ECE1: variants seen among roughly 807,000 people sequenced by gnomAD.
ECE1 encodes endothelin converting enzyme 1, also known as endothelin-converting enzyme 1.
Under a neutral mutation model 98.6 loss-of-function variants are expected in ECE1, and 35 were observed. The observed-to-expected ratio is 0.35, with a 90% CI of 0.27 to 0.47. ECE1 has a LOEUF of 0.47. Ranked by LOEUF, ECE1 falls within the 20% of genes least tolerant of loss-of-function variation. The pLI is 1.00. For synonymous variants in ECE1, 394 were observed against 407.1 expected (o/e 0.97, Z 0.39); for missense variants, 814 against 1,025.3 (o/e 0.79, Z 2.81).
chr1:21,258,980 T>C lies in ECE1; in HGVS notation c.616-141A>G, dbSNP rs1380790443. On this transcript the variant is annotated intron_variant, in intron 5 of 18. Transcript: ENST00000374893. This position sits in a 1 kb window ranked among gnomAD's most constrained non-coding sequence, Gnocchi z 4.2. ...GAGCCTCAAGAGCAAAGGAAAGGAT[T>C]GGTCTTCATCGGGGGTTTCCGACCC... 8.0e-7 allele frequency: 1 copy of C among 1,257,126 alleles called. No homozygotes were observed. The highest frequency in any genetic ancestry group is 1.1e-6 in the Non-Finnish European group (1 of 907,600). 77.9% of individuals were successfully genotyped at this position (1,257,126 alleles called of 1,614,324 possible). A position where few individuals can be genotyped will look rare whatever the true frequency, so the allele number is the denominator to read the frequency against.
intron 2 of ECE1, among the ~76,000 whole-genome samples, chr1:21,281,104 C>T (rs1177252386): frequency 6.6e-6 from 1 of 152,140 alleles, no homozygotes; most frequent in African/African-American, 2.4e-5. Context: ...GCAGGAGAAT[C>T]GCTTGAACCC....
chr1:21,257,394 C>G, intron 7 of ECE1, 131 bp downstream of exon 7: 1 of 991,446 alleles, frequency 1.0e-6, no homozygotes, highest in Non-Finnish European at 1.6e-6. Flanking sequence ...CAGGGTCTGC[C>G]TGTTTCACCC....
At chr1:21,283,276 A>T (rs565559842) in intron 2 of ECE1, among the ~76,000 whole-genome samples, 121 of 118,492 alleles carry the variant, frequency 1.0e-3, no homozygotes, top group African/African-American at 3.3e-3. Context: ...TTTTTTTTAA[A>T]TTTTTTTTTT....
chr1:21,336,925 G>T (rs560761634), intron 1 of ECE1, among the ~76,000 whole-genome samples: 1 of 152,132 alleles, frequency 6.6e-6, no homozygotes, highest in Admixed American at 6.5e-5. Flanking sequence ...CAGCTACTTG[G>T]GAGGCTGAGA....
intron 1 of ECE1, among the ~76,000 whole-genome samples, chr1:21,342,195 G>A (rs1157579040): frequency 6.6e-6 from 1 of 152,160 alleles, no homozygotes; most frequent in African/African-American, 2.4e-5. Flanking sequence ...GCCCCAGCTT[G>A]GAAAGTGAAG....
rs1467076839 is a variant in ECE1, at chr1:21,260,632, G to A, written c.494-240C>T. Reference sequence around the variant, plus strand: ...ACTGCAAAGAAAAAGAATCGACCACGTTTCTCTCCCTCTGCCAGTTGGGTT... The same window carrying A: ...ACTGCAAAGAAAAAGAATCGACCACATTTCTCTCCCTCTGCCAGTTGGGTT... On this transcript the variant is annotated intron_variant, in intron 4 of 18. Transcript: ENST00000374893. The surrounding 1 kb of genome is among the most constrained non-coding windows in gnomAD (Gnocchi z 4.3). Among the ~76,000 whole-genome samples, 1 of 152,158 alleles carries A rather than the reference G, an allele frequency of 6.6e-6. No individual in the cohort carries two copies. The highest frequency in any genetic ancestry group is 6.5e-5 in the Admixed American group (1 of 15,280).
At chr1:21,238,269 C>G in intron 10 of ECE1, 25 bp from the exon 11 acceptor site, 2 of 1,583,706 alleles carry the variant, frequency 1.3e-6, no homozygotes, top group Non-Finnish European at 1.7e-6. Context: ...TCAGGGGGCT[C>G]GCTGGGCCCC....
At chr1:21,323,770 T>C (rs939482719) in intron 1 of ECE1, among the ~76,000 whole-genome samples, 1 of 150,890 alleles carries the variant, frequency 6.6e-6, no homozygotes, top group African/African-American at 2.4e-5. Context: ...AGGGGAGCAA[T>C]GAGGTAGTGA....
intron 1 of ECE1, among the ~76,000 whole-genome samples, chr1:21,331,163 G>A (rs773440997): frequency 1.3e-5 from 2 of 152,186 alleles, no homozygotes; most frequent in Non-Finnish European, 2.9e-5. Context: ...AGCACTTTGG[G>A]AGGCCGAGGC....
intron 14 of ECE1, among the ~76,000 whole-genome samples, chr1:21,232,925 T>C (rs542883842): frequency 1.3e-5 from 2 of 152,002 alleles, no homozygotes; most frequent in East Asian, 3.9e-4. Context: ...GTGATCCACC[T>C]GTCTTGCCCT....
At position 21,340,306 on chromosome 1, in the gene ECE1, G is replaced by C. The variant is rs1639376052; in HGVS notation, c.3+5070C>G. The stretch of plus-strand genomic sequence containing the variant: ...GGAGAAGGGGCTGTCTGGGACCTCT[G>C]TCTGGGGCCACAGCCTCCTTCTGTC... On this transcript the variant is annotated intron_variant, in intron 1 of 18. Coordinates refer to the ECE1 transcript ENST00000415912. The surrounding 1 kb of genome is among the most constrained non-coding windows in gnomAD (Gnocchi z 4.6). 6.6e-6 allele frequency among the ~76,000 whole-genome samples: 1 copy of C among 152,268 alleles called. No individual in the cohort carries two copies. The highest frequency in any genetic ancestry group is 6.5e-5 in the Admixed American group (1 of 15,294).
At chr1:21,265,881 C>A (rs1569571722) in intron 4 of ECE1, among the ~76,000 whole-genome samples, 1 of 152,204 alleles carries the variant, frequency 6.6e-6, no homozygotes, top group African/African-American at 2.4e-5. Flanking sequence ...GACAGCAGCA[C>A]TTCTGCGGCC....
chr1:21,338,294 C>T lies in ECE1; in HGVS notation c.3+7082G>A, dbSNP rs200493923. 3.3e-5 allele frequency among the ~76,000 whole-genome samples: 5 copies of T among 152,210 alleles called. No homozygotes were observed. In the East Asian group the frequency reaches 9.6e-4, roughly 29 times the overall value. ...TGGCTCCAGTTTCCAAGTGACGCAA[C>T]CAAGTGTCTGGATTCAGAGAATCGC... On this transcript the variant is annotated intron_variant, in intron 1 of 18. Transcript: ENST00000415912.
chr1:21,273,045 T>C, intron 3 of ECE1, 134 bp from the exon 4 acceptor site: 1 of 869,280 alleles, frequency 1.2e-6, no homozygotes, highest in Non-Finnish European at 1.9e-6. Context: ...AACTGGACGG[T>C]CACTAGACCC....
At chr1:21,240,507 A>C (rs1299460938) in intron 10 of ECE1, among the ~76,000 whole-genome samples, 3 of 151,986 alleles carry the variant, frequency 2.0e-5, no homozygotes, top group African/African-American at 7.3e-5. Flanking sequence ...CAAACCAAAA[A>C]CTCACTGAAC....
At chr1:21,328,764 GA>G (rs35883969) in intron 1 of ECE1, among the ~76,000 whole-genome samples, 8,317 of 50,192 alleles carry the variant, frequency 0.17, 156 homozygotes, top group African/African-American at 0.2. Flanking sequence ...CCTCCATCTC[GA>G]AAAAAAAAAA....
chr1:21,285,734 G>A (rs536943800), intron 2 of ECE1, among the ~76,000 whole-genome samples: 68 of 149,892 alleles, frequency 4.5e-4, no homozygotes, highest in African/African-American at 1.6e-3. Context: ...GCTCATGCCT[G>A]CAATCCCAGC....
chr1:21,325,368 G>A (rs1020935885), intron 1 of ECE1, among the ~76,000 whole-genome samples: 1 of 152,232 alleles, frequency 6.6e-6, no homozygotes, highest in Non-Finnish European at 1.5e-5. Context: ...GGCAAGAGGG[G>A]CCAGAGGACA....
chr1:21,304,343 A>AG (rs1638551483), intron 1 of ECE1, among the ~76,000 whole-genome samples: 1 of 146,996 alleles, frequency 6.8e-6, no homozygotes, highest in African/African-American at 2.5e-5. Flanking sequence ...AAAAAAAAAA[A>AG]GATACGCCAA....
Sources: gnomAD v4.1 joint callset for allele counts (sites outside exome capture counted in the v4.1 genomes callset) on GRCh38, gnomAD v4.1.1 for gene constraint, Gnocchi (gnomAD v3.1) non-coding constraint, MANE v1.5 for transcripts, NCBI Gene and HGNC (gene_info 2026-07-23, HGNC 2026-07-21) for gene names.